Variants in UBE2W observed in about 807,000 individuals in gnomAD.
UBE2W encodes ubiquitin conjugating enzyme E2 W.
UBE2W carries 18 observed loss-of-function variants against 27.2 expected under a neutral mutation model. The ratio of observed to expected loss-of-function variants is 0.66; its 90% CI spans 0.46 to 0.98. The LOEUF is 0.98. UBE2W is among the 50% of genes least tolerant of loss of function. The pLI is 0.00. For missense variants in UBE2W, 90 were observed against 180.2 expected (o/e 0.50, Z 2.87); for synonymous variants, 53 against 57.2 (o/e 0.93, Z 0.33).
intron 4 of UBE2W, among the ~76,000 whole-genome samples, 189 bp downstream of exon 4, chr8:73,810,285 T>G (rs957517711): frequency 1.3e-5 from 2 of 152,218 alleles, no homozygotes; most frequent in African/African-American, 4.8e-5. Context: ...ATTCAACATG[T>G]AAAACTTCTA....
chr8:73,845,648 T>C (rs1810766919), intron 1 of UBE2W, among the ~76,000 whole-genome samples: 1 of 151,912 alleles, frequency 6.6e-6, no homozygotes, highest in Non-Finnish European at 1.5e-5. Flanking sequence ...CCCTCCACTA[T>C]TGTCCTATGA....
intron 1 of UBE2W, among the ~76,000 whole-genome samples, chr8:73,833,027 CT>C (rs1810145887): frequency 6.6e-6 from 1 of 151,658 alleles, no homozygotes; most frequent in Non-Finnish European, 1.5e-5. Flanking sequence ...ACTAAAAATA[CT>C]AAAAAAATTA....
At chr8:73,823,018 T>C (rs564022926) in intron 3 of UBE2W, among the ~76,000 whole-genome samples, 1 of 152,158 alleles carries the variant, frequency 6.6e-6, no homozygotes, top group Non-Finnish European at 1.5e-5. Context: ...TACTCAAGTA[T>C]TTCAACAAGG....
chr8:73,786,429 CAGGTACTGTATACT>C lies in UBE2W; in HGVS notation c.*7659_*7672del, dbSNP rs1456213898. ...ACACTTATTAAATGCCTATGTGCTA[CAGGTACTGTATACT>C]AGGTACTGTGTGCTACGTGCTGGGG... On this transcript the variant is annotated 3_prime_UTR_variant, in exon 6 of 6. Transcript: ENST00000602593. The C allele has an allele frequency of 1.0e-5, 10 of 984,730 alleles. No homozygotes were observed. The African/African-American group carries it at 1.0e-4, about 10-fold the overall frequency. The allele number at this position is 984,730 out of a possible 1,614,324, so 61.0% of individuals were successfully genotyped here.
intron 3 of UBE2W, among the ~76,000 whole-genome samples, chr8:73,823,971 G>C (rs372588308): frequency 2.6e-3 from 394 of 152,206 alleles, no homozygotes; most frequent in African/African-American, 8.6e-3. Flanking sequence ...CACCCAACAA[G>C]CAAAATTTTC....
At position 73,792,860 on chromosome 8, in the gene UBE2W, C is replaced by T; in HGVS notation, c.*1242G>A. 1 of 985,492 alleles carries T rather than the reference C, an allele frequency of 1.0e-6. No individual in the cohort carries two copies. Among genetic ancestry groups the T allele is most frequent in the Non-Finnish European group, 1.2e-6 (1 of 829,826 alleles). 61.0% of individuals were successfully genotyped at this position (985,492 alleles called of 1,614,324 possible). ...TTTTCAACAACAACAAAACAAAACC[C>T]TCCAGGAAAAACTATATGGCTGTGT... is the stretch of plus-strand genomic sequence containing the variant. On this transcript the variant is annotated 3_prime_UTR_variant, in exon 6 of 6. Coordinates refer to ENST00000602593, the MANE Select transcript of UBE2W (RefSeq NM_018299.6).
chr8:73,812,396 T>C (rs1174165080), intron 3 of UBE2W, among the ~76,000 whole-genome samples: 2 of 151,854 alleles, frequency 1.3e-5, no homozygotes, highest in African/African-American at 2.4e-5. Flanking sequence ...ACCCTCTTCA[T>C]TACTTTTTGC....
chr8:73,798,152 T>C lies in UBE2W; in HGVS notation c.443-4037A>G, dbSNP rs532680690. Among the ~76,000 whole-genome samples the C allele has an allele frequency of 5.3e-5, 8 of 152,124 alleles. No individual in the cohort carries two copies. In the South Asian group the frequency reaches 1.7e-3, roughly 32 times the overall value. On this transcript the variant is annotated intron_variant, in intron 5 of 5. Coordinates refer to ENST00000602593, the MANE Select transcript of UBE2W (RefSeq NM_018299.6). Reference sequence around the variant, plus strand: ...CCCAACAAAATATACAAAAATTAGCTAGGCATGGTGGTACGTTGTCTGTAG... The same window carrying C: ...CCCAACAAAATATACAAAAATTAGCCAGGCATGGTGGTACGTTGTCTGTAG...
chr8:73,788,753 C>T lies in UBE2W; in HGVS notation c.*5349G>A. On this transcript the variant is annotated 3_prime_UTR_variant, in exon 6 of 6. Coordinates refer to ENST00000602593, the MANE Select transcript of UBE2W (RefSeq NM_018299.6). ...TGTTGTAGGACCAATGAGAAAACAA[C>T]TTAGAATCGTTGTAGGACCATCCTT... 4.1e-6 allele frequency: 4 copies of T among 985,368 alleles called. No homozygotes were observed. The highest frequency in any genetic ancestry group is 4.8e-6 in the Non-Finnish European group (4 of 829,930). The allele number at this position is 985,368 out of a possible 1,614,324, so 61.0% of individuals were successfully genotyped here.
At chr8:73,809,498 A>G (rs1459018636) in intron 4 of UBE2W, among the ~76,000 whole-genome samples, 8 of 152,234 alleles carry the variant, frequency 5.3e-5, no homozygotes, top group Non-Finnish European at 1.2e-4. Context: ...CTAACCCTTA[A>G]GCAGGAATGA....
intron 1 of UBE2W, among the ~76,000 whole-genome samples, chr8:73,864,323 G>C (rs1049872132): frequency 2.0e-4 from 31 of 152,162 alleles, no homozygotes; most frequent in African/African-American, 7.2e-4. Context: ...GAACCTGGGA[G>C]GTTGCAGAAA....
At position 73,790,378 on chromosome 8, in the gene UBE2W, C is replaced by T; in HGVS notation, c.*3724G>A. The T allele has an allele frequency of 4.1e-6, 4 of 985,402 alleles. No individual in the cohort carries two copies. Among genetic ancestry groups the T allele is most frequent in the Non-Finnish European group, 4.8e-6 (4 of 829,934 alleles). 61.0% of individuals were successfully genotyped at this position (985,402 alleles called of 1,614,324 possible). ...AGACACCTTCTTCACAGACCTCAAT[C>T]ATGCACAGGCAGTAACGGCATTACT... On this transcript the variant is annotated 3_prime_UTR_variant, in exon 6 of 6. Transcript: ENST00000602593.
intron 3 of UBE2W, among the ~76,000 whole-genome samples, chr8:73,817,340 G>A (rs919182949): frequency 1.3e-5 from 2 of 151,926 alleles, no homozygotes; most frequent in Non-Finnish European, 2.9e-5. Context: ...AAATAATAAT[G>A]ATAATTAATA....
At chr8:73,799,596 T>C (rs1011075114) in intron 5 of UBE2W, among the ~76,000 whole-genome samples, 84 of 152,264 alleles carry the variant, frequency 5.5e-4, no homozygotes, top group African/African-American at 1.8e-3. Flanking sequence ...CAATCACTAA[T>C]CTAAACCAAA....
intron 3 of UBE2W, among the ~76,000 whole-genome samples, chr8:73,822,152 G>T (rs1034491364): frequency 2.6e-5 from 4 of 152,086 alleles, no homozygotes; most frequent in South Asian, 2.1e-4. Context: ...GACATTGAAG[G>T]CACCCCTCCT....
rs547801014 is a variant in UBE2W, at chr8:73,794,775, C to T, written c.443-660G>A. The stretch of plus-strand genomic sequence containing the variant: ...AAAATTAGCTGGGCGTCGTGGCACA[C>T]ATCGGTAGTCTCAGCTACTCAGGAG... On this transcript the variant is annotated intron_variant, in intron 5 of 5. Coordinates refer to ENST00000602593, the MANE Select transcript of UBE2W (RefSeq NM_018299.6). Among the ~76,000 whole-genome samples the T allele has an allele frequency of 1.2e-4, 18 of 146,454 alleles. No individual in the cohort carries two copies. The East Asian group carries it at 3.3e-3, about 27-fold the overall frequency.
At chr8:73,858,747 T>C (rs890176542) in intron 1 of UBE2W, among the ~76,000 whole-genome samples, 3 of 150,690 alleles carry the variant, frequency 2.0e-5, no homozygotes, top group Non-Finnish European at 2.9e-5. Flanking sequence ...TTTAGGATCA[T>C]GGGTAGTCCT....
At chr8:73,877,429 G>A (rs995115548) in intron 1 of UBE2W, among the ~76,000 whole-genome samples, 1 of 152,212 alleles carries the variant, frequency 6.6e-6, no homozygotes, top group Non-Finnish European at 1.5e-5. Flanking sequence ...CAAGTCCAGA[G>A]GGAGAAGCAA....
chr8:73,797,893 A>C (rs961737322), intron 5 of UBE2W, among the ~76,000 whole-genome samples: 1 of 152,200 alleles, frequency 6.6e-6, no homozygotes, highest in African/African-American at 2.4e-5. Context: ...CCAAAATCTG[A>C]AACTTTTTAA....
Sources: allele counts gnomAD v4.1 joint callset (sites outside exome capture counted in the v4.1 genomes callset), GRCh38; gene constraint gnomAD v4.1.1; transcripts MANE v1.5; gene names NCBI Gene and HGNC (gene_info 2026-07-23, HGNC 2026-07-21).